Variants in FBXO46 observed in about 807,000 individuals in gnomAD.
The protein encoded by FBXO46 is F-box protein 46.
Under a neutral mutation model 30.7 loss-of-function variants are expected in FBXO46, and 13 were observed. The observed-to-expected ratio is 0.42, with a 90% CI of 0.28 to 0.67. The LOEUF is 0.67. FBXO46 is among the 30% of genes least tolerant of loss of function. The pLI, the probability that FBXO46 is intolerant of heterozygous loss-of-function variation, is 0.21. For missense variants in FBXO46, 754 were observed against 871.5 expected, an observed-to-expected ratio of 0.87 and a Z score of 1.70; for synonymous variants, 467 against 385.8, an observed-to-expected ratio of 1.21 and a Z score of -2.47.
chr19:45,712,550 G>T lies in FBXO46; in HGVS notation c.946C>A (p.Arg316=), dbSNP rs1450366144. 2 of 1,596,834 alleles carry T rather than the reference G, an allele frequency of 1.3e-6. No individual in the cohort carries two copies. Among genetic ancestry groups the T allele is most frequent in the Admixed American group, 1.7e-5 (1 of 58,286 alleles). Residue 316 remains arginine, a synonymous_variant, in exon 2 of 2, where the codon CGG becomes AGG. Transcript: ENST00000317683. This position sits in a 1 kb window ranked among gnomAD's most constrained non-coding sequence, Gnocchi z 8.8. ...CDLYQLISPS[R]DALPSNVEFL... ...TCCACGTTGCTGGGGAGGGCATCCC[G>T]CGAGGGGCTGATGAGCTGGTATAAG... is the stretch of plus-strand genomic sequence containing the variant.
rs1348498528 is a variant in FBXO46, at chr19:45,713,388, G to A, written c.108C>T (p.Ala36=). ...RPPSAALKPS[A]CPEPGGGAEP... ...CGGCCCCGCCACCAGGCTCAGGGCA[G>A]GCTGATGGCTTGAGGGCCGCAGAAG... The change falls in exon 2 of 2, where the codon GCC becomes GCT. Residue 36 remains alanine (A), a synonymous_variant. Transcript: ENST00000317683. This position sits in a 1 kb window ranked among gnomAD's most constrained non-coding sequence, Gnocchi z 4.7. The A allele has an allele frequency of 1.2e-6, 2 of 1,611,108 alleles. No individual in the cohort carries two copies. The highest frequency in any genetic ancestry group is 1.7e-6 in the Non-Finnish European group (2 of 1,178,026).
At chr19:45,720,347 G>T (rs922191413) in intron 1 of FBXO46, among the ~76,000 whole-genome samples, 2 of 152,116 alleles carry the variant, frequency 1.3e-5, no homozygotes, top group Admixed American at 6.6e-5. Flanking sequence ...GGCCAGACTG[G>T]TCTCGAACTC....
chr19:45,729,072 G>T (rs984664375), intron 1 of FBXO46, among the ~76,000 whole-genome samples: 1 of 150,720 alleles, frequency 6.6e-6, no homozygotes, highest in African/African-American at 2.5e-5. Context: ...ATTGCACTCC[G>T]CCTGGGCAAC....
chr19:45,721,499 C>T (rs1968169865), intron 1 of FBXO46, among the ~76,000 whole-genome samples: 1 of 151,530 alleles, frequency 6.6e-6, no homozygotes, highest in Admixed American at 6.6e-5. Context: ...GGCACTTGCC[C>T]AGTTACATGG....
chr19:45,717,355 G>C (rs918786006), intron 1 of FBXO46: 1 of 152,222 alleles, frequency 6.6e-6, no homozygotes, highest in African/African-American at 2.4e-5. Context: ...CCTTCCCTCC[G>C]GCCACCGCGC....
Position 45,711,108 on chromosome 19 carries a change from C to A in FBXO46, c.*576G>T. 2.8e-6 allele frequency: 1 copy of A among 361,270 alleles called. No individual in the cohort carries two copies. The highest frequency in any genetic ancestry group is 2.2e-5 in the African/African-American group (1 of 45,520). 22.4% of individuals were successfully genotyped at this position (361,270 alleles called of 1,614,324 possible). A position where few individuals can be genotyped will look rare whatever the true frequency, so the allele number is the denominator to read the frequency against. ...GTTAAGGAGAAAACAGTATTTCCCC[C>A]CCACTTCTTTAATAGGCAAACCATC... On this transcript the variant is annotated 3_prime_UTR_variant, in exon 2 of 2. Coordinates refer to ENST00000317683, the MANE Select transcript of FBXO46 (RefSeq NM_001080469.2).
chr19:45,715,788 A>G (rs1968081491), intron 1 of FBXO46: 1 of 147,504 alleles, frequency 6.8e-6, no homozygotes, highest in East Asian at 2.0e-4. Flanking sequence ...CCTGGGCGAC[A>G]AGAGCTAAAC....
At position 45,711,652 on chromosome 19, in the gene FBXO46, C is replaced by T; in HGVS notation, c.*32G>A. The T allele has an allele frequency of 6.8e-7, 1 of 1,478,186 alleles. No individual in the cohort carries two copies. Among genetic ancestry groups the T allele is most frequent in the South Asian group, 1.2e-5 (1 of 82,754 alleles). The allele number at this position is 1,478,186 out of a possible 1,614,324, so 91.6% of individuals were successfully genotyped here. A position where few individuals can be genotyped will look rare whatever the true frequency, so the allele number is the denominator to read the frequency against. ...CCCGGGGGGAGAGGGGAGGGGTGGG[C>T]GTGGTGGGCTCTCCCCTCCCCTCCC... On this transcript the variant is annotated 3_prime_UTR_variant, in exon 2 of 2. Coordinates refer to ENST00000317683, the MANE Select transcript of FBXO46 (RefSeq NM_001080469.2).
rs1416475043 is a variant in FBXO46 at position 45,713,684 on chromosome 19, C to T, written c.-78-111G>A. On this transcript the variant is annotated intron_variant, in intron 1 of 1. Transcript: ENST00000317683. The surrounding 1 kb of genome is among the most constrained non-coding windows in gnomAD (Gnocchi z 4.7). ...AACCAGACCATCAAGAACTCTATTC[C>T]TGGCTGGGCGCGGTGGCTCACGCCT... 1 of 523,538 alleles carries T rather than the reference C, an allele frequency of 1.9e-6. No individual in the cohort carries two copies. Among genetic ancestry groups the T allele is most frequent in the African/African-American group, 1.9e-5 (1 of 51,694 alleles). The allele number at this position is 523,538 out of a possible 1,614,324, so 32.4% of individuals were successfully genotyped here.
rs34349746 is a variant in FBXO46, at chr19:45,713,968, CAAAAAAAA to C, written c.-78-403_-78-396del. On this transcript the variant is annotated intron_variant, in intron 1 of 1. Transcript: ENST00000317683. This position sits in a 1 kb window ranked among gnomAD's most constrained non-coding sequence, Gnocchi z 4.7. ...GGGCGACAAGAGCGAAACTCCGTCT[CAAAAAAAA>C]AAAAAAAAAAAAAAAGAACTCTATT... Among the ~76,000 whole-genome samples, 9 of 73,132 alleles carry C rather than the reference CAAAAAAAA, an allele frequency of 1.2e-4. No homozygotes were observed. The highest frequency in any genetic ancestry group is 7.1e-4 in the Admixed American group (4 of 5,618). The allele number at this position is 73,132 out of a possible 152,430, so 48.0% of individuals were successfully genotyped here. A position where few individuals can be genotyped will look rare whatever the true frequency, so the allele number is the denominator to read the frequency against.
In FBXO46 at chr19:45,713,269, G is replaced by A; in HGVS notation, c.227C>T (p.Ala76Val). ...GACTCGACCCTCATCACCAGCAGCT[G>A]CTGCTGAGAGGAGCGGAGCCGGCTG... ...ASQPAPLLSA[A>V]AAGDEGRVLL... The change falls in exon 2 of 2, where the codon GCA becomes GTA. Residue 76 changes from alanine to valine, a missense_variant. This residue lies in a region of FBXO46 where 97 missense variants were observed against 113.0 expected (regional missense o/e 0.86). Coordinates refer to ENST00000317683, the MANE Select transcript of FBXO46 (RefSeq NM_001080469.2). The surrounding 1 kb of genome is among the most constrained non-coding windows in gnomAD (Gnocchi z 4.7). The A allele has an allele frequency of 6.2e-7, 1 of 1,613,952 alleles. No individual in the cohort carries two copies. Among genetic ancestry groups the A allele is most frequent in the Non-Finnish European group, 8.5e-7 (1 of 1,179,870 alleles).
chr19:45,721,357 C>CA (rs1968167681), intron 1 of FBXO46, among the ~76,000 whole-genome samples: 1 of 151,800 alleles, frequency 6.6e-6, no homozygotes, highest in Admixed American at 6.6e-5. Flanking sequence ...AACACCAAAA[C>CA]AGAAAGAAAG....
rs746887440 is a variant in FBXO46, at chr19:45,712,697, T to C, written c.799A>G (p.Asn267Asp). The change falls in exon 2 of 2, where the codon AAC becomes GAC. Residue 267 changes from asparagine to aspartate, a missense_variant. Asn to Asp is a conservative substitution (Grantham distance 23). Around this residue, in one of 5 missense-constraint regions of FBXO46, gnomAD observed 454 missense variants for 426.5 expected, o/e 1.06. Transcript: ENST00000317683. This position sits in a 1 kb window ranked among gnomAD's most constrained non-coding sequence, Gnocchi z 8.8. ...TCTGGTGCACGGGGCTCCCGGCCGTTGGAGATGCGGAAGGCGATGCGCACC... is the reference window on the plus strand; with the variant it reads ...TCTGGTGCACGGGGCTCCCGGCCGTCGGAGATGCGGAAGGCGATGCGCACC... The part of the protein sequence containing the change: ...GEVRIAFRIS[N>D]GREPRAPDSG... 11 of 1,612,498 alleles carry C rather than the reference T, an allele frequency of 6.8e-6. No homozygotes were observed. Among genetic ancestry groups the C allele is most frequent in the Non-Finnish European group, 7.6e-6 (9 of 1,179,414 alleles).
chr19:45,712,311 C>G lies in FBXO46; in HGVS notation c.1185G>C (p.Leu395=), dbSNP rs997708185. The stretch of plus-strand genomic sequence containing the variant: ...GCGGCGGTTCCTCCGGGCTGACCGT[C>G]AGGCACACAGTCTCCTCCTTCACGT... The part of the protein sequence containing the change: ...TKNVKEETVC[L]TVSPEEPPPP... The change falls in exon 2 of 2, where the codon CTG becomes CTC. Residue 395 remains leucine (L), a synonymous_variant. Transcript: ENST00000317683. The surrounding 1 kb of genome is among the most constrained non-coding windows in gnomAD (Gnocchi z 8.8). The G allele has an allele frequency of 6.2e-7, 1 of 1,601,792 alleles. No individual in the cohort carries two copies. Among genetic ancestry groups the G allele is most frequent in the South Asian group, 1.1e-5 (1 of 91,080 alleles).
chr19:45,716,635 T>G (rs1474290462), intron 1 of FBXO46: 1 of 151,856 alleles, frequency 6.6e-6, no homozygotes, highest in African/African-American at 2.4e-5. Flanking sequence ...ACGAACTCTT[T>G]GAAAACACAA....
chr19:45,720,651 G>T (rs1216958127), intron 1 of FBXO46, among the ~76,000 whole-genome samples: 5 of 151,766 alleles, frequency 3.3e-5, no homozygotes. Context: ...TACTGATGAG[G>T]TCTCACTATG....
intron 1 of FBXO46, among the ~76,000 whole-genome samples, chr19:45,720,889 G>A (rs957317730): frequency 1.3e-4 from 20 of 151,854 alleles, no homozygotes; most frequent in Non-Finnish European, 2.6e-4. Context: ...AGCTACTCAG[G>A]AGCTTGAGAC....
chr19:45,712,996 A>G lies in FBXO46; in HGVS notation c.500T>C (p.Val167Ala). Residue 167 changes from valine (V) to alanine (A), a missense_variant, in exon 2 of 2, where the codon GTG becomes GCG. Transcript: ENST00000317683. The surrounding 1 kb of genome is among the most constrained non-coding windows in gnomAD (Gnocchi z 8.8). Reference protein sequence around the residue: ...EEGPASAGEDVDLLSVAEMVA... With the variant: ...EEGPASAGEDADLLSVAEMVA... ...CATCTCGGCCACAGAGAGCAGGTCC[A>G]CGTCCTCACCGGCTGAGGCGGGGCC... The G allele has an allele frequency of 1.3e-6, 2 of 1,567,466 alleles. No individual in the cohort carries two copies. Among genetic ancestry groups the G allele is most frequent in the Non-Finnish European group, 1.7e-6 (2 of 1,156,712 alleles).
Position 45,722,093 on chromosome 19 carries a change from C to T in FBXO46, c.-78-8520G>A, listed in dbSNP as rs562827824. ...CCCACTTCCCGTAGTGCTGGGATTA[C>T]AGGCATGATGCACCGCGCCCGGTCC... On this transcript the variant is annotated intron_variant, in intron 1 of 1. Coordinates refer to ENST00000317683, the MANE Select transcript of FBXO46 (RefSeq NM_001080469.2). Among the ~76,000 whole-genome samples the T allele has an allele frequency of 3.9e-5, 6 of 152,246 alleles. No individual in the cohort carries two copies. In the East Asian group the frequency reaches 1.2e-3, roughly 29 times the overall value.
Sources: allele counts gnomAD v4.1 joint callset (sites outside exome capture counted in the v4.1 genomes callset), GRCh38; gene constraint gnomAD v4.1.1; regional missense constraint gnomAD v4.1.1; non-coding constraint Gnocchi (gnomAD v3.1); transcripts MANE v1.5; gene names NCBI Gene and HGNC (gene_info 2026-07-23, HGNC 2026-07-21).